SMOC2: variants seen among roughly 807,000 people sequenced by gnomAD.
SMOC2 encodes the protein SPARC-related modular calcium-binding protein 2.
In SMOC2, 39 loss-of-function variants were observed where a neutral mutation model predicts 61.4. The ratio of observed to expected loss-of-function variants is 0.64; its 90% CI spans 0.49 to 0.83. The LOEUF (loss-of-function observed/expected upper bound fraction) is 0.83, where lower values mean the gene tolerates loss of function less well. Ranked by LOEUF, SMOC2 falls within the 40% of genes least tolerant of loss-of-function variation. SMOC2 has a pLI of 0.00. For synonymous variants in SMOC2, 247 were observed against 239.9 expected, an observed-to-expected ratio of 1.03 and a Z score of -0.27; for missense variants, 556 against 592.9, an observed-to-expected ratio of 0.94 and a Z score of 0.65.
intron 1 of SMOC2, among the ~76,000 whole-genome samples, chr6:168,507,037 AAT>A (rs1447131945): frequency 3.3e-5 from 5 of 152,368 alleles, no homozygotes; most frequent in Middle Eastern, 3.4e-3. Context: ...ATCCCTGAGA[AAT>A]AACACTTCCA....
At chr6:168,529,460 A>G (rs943418201) in intron 4 of SMOC2, among the ~76,000 whole-genome samples, 7 of 152,206 alleles carry the variant, frequency 4.6e-5, no homozygotes, top group Non-Finnish European at 1.0e-4. Flanking sequence ...TGTTGGCAGG[A>G]CAAGCGTCCT....
At chr6:168,655,304 C>T (rs1295295717) in intron 11 of SMOC2, 8 of 428,102 alleles carry the variant, frequency 1.9e-5, no homozygotes, top group Non-Finnish European at 3.8e-5. Context: ...AAAATCATTG[C>T]TGTGGCCCAG....
chr6:168,656,489 C>A (rs180865448), intron 11 of SMOC2, among the ~76,000 whole-genome samples: 99 of 63,214 alleles, frequency 1.6e-3, no homozygotes, highest in African/African-American at 5.5e-3. Flanking sequence ...GCCTGGGTGA[C>A]AAAGCAAGAC....
At chr6:168,485,149 C>G (rs1030531168) in intron 1 of SMOC2, among the ~76,000 whole-genome samples, 1 of 151,946 alleles carries the variant, frequency 6.6e-6, no homozygotes, top group African/African-American at 2.4e-5. Flanking sequence ...AAAAATGAAA[C>G]AGCATTTCAT....
chr6:168,631,831 G>A (rs970647237), intron 9 of SMOC2, among the ~76,000 whole-genome samples: 7 of 152,146 alleles, frequency 4.6e-5, no homozygotes, highest in African/African-American at 1.7e-4. Context: ...GGTGCATGAG[G>A]TCTTTCTTCA....
At chr6:168,588,447 T>A (rs1178167367) in intron 7 of SMOC2, among the ~76,000 whole-genome samples, 1 of 151,778 alleles carries the variant, frequency 6.6e-6, no homozygotes, top group Non-Finnish European at 1.5e-5. Context: ...TAAAGGCTCA[T>A]CTCATTCCCA....
rs1392050293 is a variant in SMOC2, at chr6:168,452,617, T to C, written c.84+11163T>C. On this transcript the variant is annotated intron_variant, in intron 1 of 12. Transcript: ENST00000356284. This position sits in a 1 kb window ranked among gnomAD's most constrained non-coding sequence, Gnocchi z 5.0. ...GTGCAGCAAATCAAAATTTCTGTGC[T>C]CAGATATTCAAAACACCACTTGCAT... Among the ~76,000 whole-genome samples the C allele has an allele frequency of 6.6e-6, 1 of 152,252 alleles. No individual in the cohort carries two copies. The highest frequency in any genetic ancestry group is 1.5e-5 in the Non-Finnish European group (1 of 68,046).
chr6:168,580,422 A>T (rs1311834841), intron 7 of SMOC2, among the ~76,000 whole-genome samples: 1 of 152,180 alleles, frequency 6.6e-6, no homozygotes, highest in African/African-American at 2.4e-5. Flanking sequence ...GGACGGAGGC[A>T]CCTGTCACTG....
rs906956329 is a variant in SMOC2 at position 168,475,206 on chromosome 6, T to C, written c.84+33752T>C. ...CCTGCTGTGGGTGATCTGGGGCTCG[T>C]TGGCCTCACCCTTGCTTTGGAGAAG... is the stretch of plus-strand genomic sequence containing the variant. On this transcript the variant is annotated intron_variant, in intron 1 of 12. Coordinates refer to ENST00000356284, the MANE Select transcript of SMOC2 (RefSeq NM_001166412.2). The surrounding 1 kb of genome is among the most constrained non-coding windows in gnomAD (Gnocchi z 4.6). 3.9e-5 allele frequency among the ~76,000 whole-genome samples: 6 copies of C among 152,100 alleles called. No individual in the cohort carries two copies. Among genetic ancestry groups the C allele is most frequent in the Non-Finnish European group, 8.8e-5 (6 of 68,000 alleles).
chr6:168,514,914 C>A (rs543392971), intron 2 of SMOC2, among the ~76,000 whole-genome samples: 1 of 152,212 alleles, frequency 6.6e-6, no homozygotes, highest in Non-Finnish European at 1.5e-5. Flanking sequence ...AAGCTCGACA[C>A]CTGTGACCCT....
At chr6:168,630,796 G>C (rs529141579) in intron 9 of SMOC2, among the ~76,000 whole-genome samples, 1 of 152,186 alleles carries the variant, frequency 6.6e-6, no homozygotes, top group Non-Finnish European at 1.5e-5. Flanking sequence ...GGGCATAGCC[G>C]TCTCTTACAG....
At chr6:168,622,880 C>A (rs1786280721) in intron 9 of SMOC2, among the ~76,000 whole-genome samples, 1 of 152,170 alleles carries the variant, frequency 6.6e-6, no homozygotes, top group South Asian at 2.1e-4. Context: ...CGACACCATG[C>A]CCACATTTCT....
intron 7 of SMOC2, among the ~76,000 whole-genome samples, chr6:168,576,445 C>T (rs1339953261): frequency 2.6e-5 from 4 of 152,090 alleles, no homozygotes; most frequent in African/African-American, 4.8e-5. Context: ...TAGGCTCACA[C>T]GCTTCCAGAG....
At chr6:168,548,792 G>A (rs746908447) in intron 6 of SMOC2, among the ~76,000 whole-genome samples, 14 of 152,166 alleles carry the variant, frequency 9.2e-5, no homozygotes, top group Non-Finnish European at 1.5e-4. Flanking sequence ...AACGTTGTAT[G>A]TTATGTGAAT....
At chr6:168,602,992 A>G (rs2880406) in intron 8 of SMOC2, among the ~76,000 whole-genome samples, 69,218 of 152,014 alleles carry the variant, frequency 0.46, 15,895 homozygotes, top group Admixed American at 0.48. Flanking sequence ...TAATCCCCAC[A>G]TGTCGTGGGA....
rs374573347 is a variant in SMOC2 at position 168,650,800 on chromosome 6, G to C, written c.1010+17G>C. 6.2e-7 allele frequency: 1 copy of C among 1,600,030 alleles called. No individual in the cohort carries two copies. The highest frequency in any genetic ancestry group is 1.1e-5 in the South Asian group (1 of 89,938). ...GTCAGGCAGGTACGCTGTGTTCGCC[G>C]TGGGACAACAAGTTGGCAGGGTCCC... On this transcript the variant is annotated intron_variant, in intron 10 of 12. Transcript: ENST00000356284.
intron 1 of SMOC2, among the ~76,000 whole-genome samples, chr6:168,490,981 C>T (rs1316345846): frequency 6.6e-6 from 1 of 152,196 alleles, no homozygotes; most frequent in Non-Finnish European, 1.5e-5. Flanking sequence ...CCCCGTAGGA[C>T]TCTGGAGAGG....
chr6:168,595,778 C>T (rs1785315752), intron 7 of SMOC2, among the ~76,000 whole-genome samples: 2 of 152,304 alleles, frequency 1.3e-5, no homozygotes, highest in Middle Eastern at 6.8e-3. Flanking sequence ...ATATCATGCT[C>T]ATCAAATTTT....
intron 5 of SMOC2, among the ~76,000 whole-genome samples, chr6:168,545,195 G>C (rs1783962770): frequency 1.3e-5 from 2 of 151,700 alleles, no homozygotes; most frequent in Non-Finnish European, 2.9e-5. Context: ...GAGATGGAAG[G>C]ATCATCGTCT....
Sources: allele counts gnomAD v4.1 joint callset (sites outside exome capture counted in the v4.1 genomes callset), GRCh38; gene constraint gnomAD v4.1.1; non-coding constraint Gnocchi (gnomAD v3.1); transcripts MANE v1.5; gene names NCBI Gene and HGNC (gene_info 2026-07-23, HGNC 2026-07-21).